ITFG1: variants seen among roughly 807,000 people sequenced by gnomAD.
ITFG1 encodes the protein T-cell immunomodulatory protein.
A neutral mutation model predicts 81.8 loss-of-function variants in ITFG1; 34 were observed. The ratio of observed to expected loss-of-function variants is 0.42; its 90% CI spans 0.32 to 0.55. The LOEUF is 0.55. Ranked by LOEUF, ITFG1 falls within the 20% of genes least tolerant of loss-of-function variation. The pLI is 0.17. For synonymous variants in ITFG1, 285 were observed against 270.6 expected (o/e 1.05, Z -0.52); for missense variants, 672 against 755.4 (o/e 0.89, Z 1.29).
intron 6 of ITFG1, among the ~76,000 whole-genome samples, chr16:47,396,524 T>TTGTGTGTGTGTGTGTGTGTGTGTGTG (rs59625674): frequency 1.9e-4 from 29 of 149,206 alleles, no homozygotes; most frequent in African/African-American, 6.7e-4. Context: ...AATAATTATT[T>TTGTGTGTGTGTGTGTGTGTGTGTGTG]TGTGTGTGTG....
intron 14 of ITFG1, among the ~76,000 whole-genome samples, chr16:47,178,508 A>G (rs1965057626): frequency 6.6e-6 from 1 of 152,340 alleles, no homozygotes; most frequent in East Asian, 1.9e-4. Context: ...GGTGCTGGGA[A>G]AACTGGCTAG....
chr16:47,234,719 A>T (rs561818957), intron 13 of ITFG1, among the ~76,000 whole-genome samples: 28 of 152,364 alleles, frequency 1.8e-4, no homozygotes, highest in East Asian at 9.6e-4. Context: ...GATATAATTT[A>T]AAAAAGCTCA....
chr16:47,369,963 C>T (rs934459553), intron 7 of ITFG1, among the ~76,000 whole-genome samples: 15 of 151,224 alleles, frequency 9.9e-5, no homozygotes, highest in African/African-American at 3.4e-4. Flanking sequence ...TTCAGCCTCC[C>T]GAGTAGCTGG....
chr16:47,349,144 T>A (rs1967908874), intron 8 of ITFG1, among the ~76,000 whole-genome samples: 1 of 152,174 alleles, frequency 6.6e-6, no homozygotes, highest in Non-Finnish European at 1.5e-5. Context: ...AGGAAGAAAC[T>A]GCATCAACTA....
chr16:47,155,943 C>T (rs1964697394), intron 17 of ITFG1, among the ~76,000 whole-genome samples, 165 bp from the exon 18 acceptor site: 1 of 152,062 alleles, frequency 6.6e-6, no homozygotes, highest in Non-Finnish European at 1.5e-5. Context: ...TTTATAGTAG[C>T]TATTTTATAA....
chr16:47,342,834 C>T (rs1425666150), intron 8 of ITFG1, among the ~76,000 whole-genome samples: 3 of 152,016 alleles, frequency 2.0e-5, no homozygotes, highest in Non-Finnish European at 2.9e-5. Context: ...TATAACATTC[C>T]TGAAAATTCA....
intron 14 of ITFG1, among the ~76,000 whole-genome samples, chr16:47,215,418 T>C (rs1342230081): frequency 2.0e-5 from 3 of 152,228 alleles, no homozygotes; most frequent in African/African-American, 7.2e-5. Flanking sequence ...GTTTGAAATA[T>C]TTTAAAAGCT....
intron 7 of ITFG1, among the ~76,000 whole-genome samples, chr16:47,375,256 G>A (rs545414663): frequency 3.5e-4 from 53 of 152,092 alleles, no homozygotes; most frequent in South Asian, 8.3e-4. Flanking sequence ...AGTTTGGTCT[G>A]GTCTCAGATC....
intron 10 of ITFG1, among the ~76,000 whole-genome samples, chr16:47,287,078 C>T (rs576366438): frequency 6.6e-6 from 1 of 152,238 alleles, no homozygotes; most frequent in East Asian, 1.9e-4. Flanking sequence ...TAAGATAAAG[C>T]TGAAGATCAG....
rs527824788 is a variant in ITFG1, at chr16:47,326,275, A to C, written c.803-12452T>G. 4.6e-5 allele frequency among the ~76,000 whole-genome samples: 7 copies of C among 152,188 alleles called. No homozygotes were observed. The East Asian group carries it at 1.4e-3, about 29-fold the overall frequency. ...ATGGCCTTTGACAAAATTCAACAAC[A>C]CTTCATGCTAAAAACTCTCAATAAA... On this transcript the variant is annotated intron_variant, in intron 8 of 17. Coordinates refer to ENST00000320640, the MANE Select transcript of ITFG1 (RefSeq NM_030790.5).
intron 14 of ITFG1, among the ~76,000 whole-genome samples, chr16:47,165,422 C>CG (rs1964876916): frequency 6.6e-6 from 1 of 152,238 alleles, no homozygotes; most frequent in South Asian, 2.1e-4. Context: ...TAGTGAACAG[C>CG]ATGGGCTGCA....
At chr16:47,391,394 T>C (rs995864882) in intron 6 of ITFG1, among the ~76,000 whole-genome samples, 2 of 152,200 alleles carry the variant, frequency 1.3e-5, no homozygotes, top group African/African-American at 2.4e-5. Flanking sequence ...CTTTCTTCTA[T>C]GAGACATTCA....
chr16:47,232,721 A>T (rs1038003684), intron 13 of ITFG1, among the ~76,000 whole-genome samples: 1 of 150,844 alleles, frequency 6.6e-6, no homozygotes, highest in African/African-American at 2.4e-5. Flanking sequence ...GGCTCACTGC[A>T]GCCTCTACCT....
At chr16:47,353,075 G>T (rs1967987910) in intron 8 of ITFG1, among the ~76,000 whole-genome samples, 1 of 151,934 alleles carries the variant, frequency 6.6e-6, no homozygotes, top group Non-Finnish European at 1.5e-5. Context: ...AGGGTGAGGG[G>T]GGAGGGATAG....
intron 14 of ITFG1, among the ~76,000 whole-genome samples, chr16:47,211,180 TA>T (rs1241975636): frequency 1.3e-5 from 2 of 152,252 alleles, no homozygotes; most frequent in African/African-American, 4.8e-5. Context: ...TTCATTTATT[TA>T]GACGACTGAT....
chr16:47,438,767 A>C (rs1446338136), intron 5 of ITFG1, among the ~76,000 whole-genome samples: 1 of 152,198 alleles, frequency 6.6e-6, no homozygotes, highest in Non-Finnish European at 1.5e-5. Flanking sequence ...AAACTCTAAA[A>C]ATCAGAGCAC....
At chr16:47,310,732 T>TC (rs1429392009) in intron 10 of ITFG1, among the ~76,000 whole-genome samples, 1 of 152,174 alleles carries the variant, frequency 6.6e-6, no homozygotes. Flanking sequence ...GCCAAGAGTA[T>TC]CTTTCTAAGT....
At chr16:47,382,218 T>G (rs1229111348) in intron 6 of ITFG1, among the ~76,000 whole-genome samples, 1 of 152,196 alleles carries the variant, frequency 6.6e-6, no homozygotes, top group Non-Finnish European at 1.5e-5. Context: ...AAACCTCTGA[T>G]AGAGATGATT....
At chr16:47,353,517 C>T (rs987272073) in intron 8 of ITFG1, among the ~76,000 whole-genome samples, 11 of 151,794 alleles carry the variant, frequency 7.2e-5, no homozygotes, top group Non-Finnish European at 1.3e-4. Context: ...AGTTTCACCA[C>T]TTGTATTAAA....
Sources: gnomAD v4.1 joint callset for allele counts (sites outside exome capture counted in the v4.1 genomes callset) on GRCh38, gnomAD v4.1.1 for gene constraint, MANE v1.5 for transcripts, NCBI Gene and HGNC (gene_info 2026-07-23, HGNC 2026-07-21) for gene names.